The following DPP6 variants were observed in gnomAD, a reference collection of about 807,000 sequenced individuals.
DPP6 encodes dipeptidyl peptidase like 6.
Under a neutral mutation model 122.6 loss-of-function variants are expected in DPP6, and 69 were observed. The ratio of observed to expected loss-of-function variants is 0.56; its 90% CI spans 0.46 to 0.69. The LOEUF (loss-of-function observed/expected upper bound fraction) is 0.69. DPP6 is among the 30% of genes least tolerant of loss of function. The probability of loss-of-function intolerance (pLI) is 0.00; values close to 1 mark genes in which losing one functional copy is unlikely to be tolerated. For synonymous variants in DPP6, 418 were observed against 433.1 expected (o/e 0.97, Z 0.43); for missense variants, 928 against 1,116.9 (o/e 0.83, Z 2.41).
chr7:153,933,769 C>T (rs1429884881), intron 1 of DPP6, among the ~76,000 whole-genome samples: 1 of 152,156 alleles, frequency 6.6e-6, no homozygotes, highest in Non-Finnish European at 1.5e-5. Flanking sequence ...TTTAGTTCCC[C>T]CCCAGCAGGC....
chr7:154,682,022 C>T (rs1329963558), intron 7 of DPP6, among the ~76,000 whole-genome samples: 2 of 152,152 alleles, frequency 1.3e-5, no homozygotes, highest in Admixed American at 6.5e-5. Flanking sequence ...GAAATGAATG[C>T]CATCCAGAAG....
intron 7 of DPP6, among the ~76,000 whole-genome samples, chr7:154,671,487 G>A (rs139459713): frequency 2.2e-4 from 33 of 151,950 alleles, no homozygotes; most frequent in African/African-American, 7.7e-4. Flanking sequence ...CCCAGCGGCT[G>A]TAACTCAGTG....
intron 3 of DPP6, among the ~76,000 whole-genome samples, chr7:154,525,455 G>A (rs1827330248): frequency 6.6e-6 from 1 of 152,194 alleles, no homozygotes. Flanking sequence ...ACTGCACCTG[G>A]TCTGAATGTC....
At chr7:154,805,003 T>G (rs764227492) in intron 15 of DPP6, 39 bp downstream of exon 15, 1 of 1,571,012 alleles carries the variant, frequency 6.4e-7, no homozygotes, top group Admixed American at 1.8e-5. Flanking sequence ...CTCTCCCCCT[T>G]AGGAGGGCAT....
intron 1 of DPP6, among the ~76,000 whole-genome samples, chr7:154,259,753 C>T (rs982895350): frequency 5.9e-5 from 9 of 152,136 alleles, no homozygotes; most frequent in African/African-American, 2.2e-4. Context: ...ATCTTACAGC[C>T]CATTCTGTTC....
intron 1 of DPP6, among the ~76,000 whole-genome samples, chr7:154,338,656 A>G (rs1301637725): frequency 6.6e-6 from 1 of 152,226 alleles, no homozygotes; most frequent in Non-Finnish European, 1.5e-5. Context: ...TGTTAGCCTC[A>G]GAAAGGGAGA....
chr7:154,803,976 T>C (rs370607582), intron 14 of DPP6, 21 bp downstream of exon 14: 97 of 1,611,060 alleles, frequency 6.0e-5, no homozygotes, highest in East Asian at 4.5e-5. Flanking sequence ...ACCAGGGGCC[T>C]GCCCCATCTT....
intron 6 of DPP6, among the ~76,000 whole-genome samples, chr7:154,651,095 A>G (rs879931012): frequency 4.6e-5 from 7 of 152,182 alleles, no homozygotes; most frequent in Admixed American, 6.6e-5. Flanking sequence ...CATAGGTACC[A>G]GTACTGCACT....
rs1200514855 is a variant in DPP6, at chr7:154,850,324, T to C, written c.1667-3456T>C. On this transcript the variant is annotated intron_variant, in intron 16 of 25. Coordinates refer to ENST00000377770, the MANE Select transcript of DPP6 (RefSeq NM_130797.4). ...AATTAGTGATCCTTTTAATGTACCA[T>C]TGAATATGATTTGCCAGTATTTTGT... 5.3e-5 allele frequency among the ~76,000 whole-genome samples: 8 copies of C among 152,316 alleles called. No individual in the cohort carries two copies. The South Asian group carries it at 1.7e-3, about 32-fold the overall frequency.
chr7:154,559,880 G>A (rs189441206), intron 4 of DPP6, among the ~76,000 whole-genome samples: 1 of 149,756 alleles, frequency 6.7e-6, no homozygotes, highest in East Asian at 2.0e-4. Context: ...ACCCCAGCCT[G>A]GGCAACAGAA....
At chr7:154,612,624 T>C (rs896292083) in intron 5 of DPP6, among the ~76,000 whole-genome samples, 1 of 152,222 alleles carries the variant, frequency 6.6e-6, no homozygotes, top group African/African-American at 2.4e-5. Flanking sequence ...AAGTATGGTA[T>C]GTGAGTGTAA....
At chr7:154,810,031 T>A (rs1798952142) in intron 16 of DPP6, among the ~76,000 whole-genome samples, 1 of 152,230 alleles carries the variant, frequency 6.6e-6, no homozygotes, top group Non-Finnish European at 1.5e-5. Flanking sequence ...AATTTTTGTA[T>A]TTTTAGTAAA....
chr7:154,304,655 T>C (rs1806136017), intron 1 of DPP6, among the ~76,000 whole-genome samples: 1 of 152,082 alleles, frequency 6.6e-6, no homozygotes, highest in African/African-American at 2.4e-5. Flanking sequence ...GAAATGTAGA[T>C]TCTTTGATTC....
At chr7:154,856,961 GCTGA>G (rs563386975) in intron 17 of DPP6, among the ~76,000 whole-genome samples, 234 of 152,294 alleles carry the variant, frequency 1.5e-3, no homozygotes, top group African/African-American at 4.9e-3. Flanking sequence ...TCAGCAAAGT[GCTGA>G]CTAATTGGAA....
At chr7:154,031,468 AGTT>A (rs1799224924) in intron 1 of DPP6, among the ~76,000 whole-genome samples, 1 of 152,018 alleles carries the variant, frequency 6.6e-6, no homozygotes, top group Non-Finnish European at 1.5e-5. Context: ...AATACACAGT[AGTT>A]TTGGCATTAC....
chr7:154,391,094 C>T (rs1814575160), intron 1 of DPP6, among the ~76,000 whole-genome samples: 3 of 152,282 alleles, frequency 2.0e-5, no homozygotes, highest in South Asian at 2.1e-4. Flanking sequence ...TGGGCTGCAG[C>T]GGGCGTTCTG....
intron 10 of DPP6, among the ~76,000 whole-genome samples, chr7:154,777,327 C>T (rs559813639): frequency 2.0e-5 from 3 of 152,180 alleles, no homozygotes; most frequent in South Asian, 2.1e-4. Context: ...AGAAGGATCC[C>T]GGGGCAAAAT....
chr7:154,586,058 G>A (rs1417355276), intron 5 of DPP6, among the ~76,000 whole-genome samples: 1 of 152,070 alleles, frequency 6.6e-6, no homozygotes, highest in Non-Finnish European at 1.5e-5. Context: ...TCCACCTGGA[G>A]CACAGTATAT....
chr7:153,876,777 GCC>G, the DPP6 span, among the ~76,000 whole-genome samples: 5 of 151,972 alleles, frequency 3.3e-5, no homozygotes, highest in African/African-American at 7.2e-5. Flanking sequence ...TACACACTTA[GCC>G]TATATGGCAT....
Sources: allele counts gnomAD v4.1 joint callset (sites outside exome capture counted in the v4.1 genomes callset), GRCh38; gene constraint gnomAD v4.1.1; transcripts MANE v1.5; gene names NCBI Gene and HGNC (gene_info 2026-07-23, HGNC 2026-07-21).